Variants in PTPN9 observed in about 807,000 individuals in gnomAD.
PTPN9 encodes tyrosine-protein phosphatase non-receptor type 9.
PTPN9 carries 26 observed loss-of-function variants against 69.8 expected under a neutral mutation model. The observed-to-expected ratio is 0.37, with a 90% CI of 0.27 to 0.52. The LOEUF (loss-of-function observed/expected upper bound fraction) is 0.52, where lower values mean the gene tolerates loss of function less well. PTPN9 is among the 20% of genes least tolerant of loss of function. The pLI, the probability that PTPN9 is intolerant of heterozygous loss-of-function variation, is 0.91. For synonymous variants in PTPN9, 274 were observed against 272.5 expected (o/e 1.01, Z -0.05); for missense variants, 549 against 740.3 (o/e 0.74, Z 3.00).
At chr15:75,500,344 T>TACACACAC (rs35248279) in intron 7 of PTPN9, among the ~76,000 whole-genome samples, 40 of 142,556 alleles carry the variant, frequency 2.8e-4, no homozygotes, top group African/African-American at 9.6e-4. Flanking sequence ...CAAACATACA[T>TACACACAC]ACACACACAC....
At chr15:75,479,164 G>A (rs991832720) in intron 9 of PTPN9, among the ~76,000 whole-genome samples, 5 of 152,094 alleles carry the variant, frequency 3.3e-5, no homozygotes, top group African/African-American at 4.8e-5. Context: ...AAAATTAGCC[G>A]GGCGTGGTGG....
intron 4 of PTPN9, among the ~76,000 whole-genome samples, chr15:75,519,927 G>A (rs772668567): frequency 3.3e-5 from 5 of 151,930 alleles, no homozygotes; most frequent in African/African-American, 9.7e-5. Flanking sequence ...CCAGAAGTTC[G>A]AGACCAGCCT....
At chr15:75,567,104 C>T (rs2075129919) in intron 1 of PTPN9, among the ~76,000 whole-genome samples, 2 of 151,790 alleles carry the variant, frequency 1.3e-5, no homozygotes, top group African/African-American at 4.8e-5. Context: ...CAACCTCCAC[C>T]TCTCATGTTC....
At chr15:75,535,968 T>C (rs1026147489) in intron 1 of PTPN9, among the ~76,000 whole-genome samples, 1 of 152,218 alleles carries the variant, frequency 6.6e-6, no homozygotes, top group African/African-American at 2.4e-5. Flanking sequence ...TCTCAAATAT[T>C]TTCCACTTCT....
At chr15:75,530,181 C>CAG in intron 1 of PTPN9, among the ~76,000 whole-genome samples, 1 of 111,004 alleles carries the variant, frequency 9.0e-6, no homozygotes, top group East Asian at 2.6e-4. Flanking sequence ...GCCTGAGCGA[C>CAG]AGAGAGAGAC....
At chr15:75,483,438 C>T (rs555615644) in intron 8 of PTPN9, among the ~76,000 whole-genome samples, 3 of 152,222 alleles carry the variant, frequency 2.0e-5, no homozygotes, top group African/African-American at 7.2e-5. Context: ...AAACATTATG[C>T]TAAATGATAG....
At chr15:75,540,903 C>G (rs1325321870) in intron 1 of PTPN9, among the ~76,000 whole-genome samples, 1 of 151,434 alleles carries the variant, frequency 6.6e-6, no homozygotes, top group Non-Finnish European at 1.5e-5. Context: ...CACAGGGAAA[C>G]CTCGTCTCTA....
intron 2 of PTPN9, among the ~76,000 whole-genome samples, chr15:75,524,675 G>A (rs2074919507): frequency 6.6e-6 from 1 of 150,888 alleles, no homozygotes; most frequent in African/African-American, 2.4e-5. Context: ...CTACTCAGGA[G>A]GCTGAGGCAG....
chr15:75,560,245 T>C (rs949191049), intron 1 of PTPN9, among the ~76,000 whole-genome samples: 6 of 152,140 alleles, frequency 3.9e-5, no homozygotes, highest in Non-Finnish European at 7.4e-5. Flanking sequence ...AAATGTCTAA[T>C]GGTTTCTCTA....
chr15:75,465,355 C>T lies in PTPN9; in HGVS notation c.*3414G>A, dbSNP rs1221933015. 8.5e-5 allele frequency: 13 copies of T among 152,184 alleles called. No homozygotes were observed. The highest frequency in any genetic ancestry group is 3.3e-4 in the Admixed American group (5 of 15,260). 9.4% of individuals were successfully genotyped at this position (152,184 alleles called of 1,614,324 possible). A position where few individuals can be genotyped will look rare whatever the true frequency, so the allele number is the denominator to read the frequency against. ...CTGACCTCAGGTGATCTGCCCACCT[C>T]GGCCTTCCAAAGTACTGGGATTACA... is the stretch of plus-strand genomic sequence containing the variant. On this transcript the variant is annotated 3_prime_UTR_variant, in exon 13 of 13. Coordinates refer to ENST00000618819, the MANE Select transcript of PTPN9 (RefSeq NM_002833.4).
At position 75,505,896 on chromosome 15, in the gene PTPN9, C is replaced by G; in HGVS notation, c.747G>C (p.Gln249His). Residue 249 changes from glutamine to histidine, a missense_variant, in exon 7 of 13, where the codon CAG (glutamine) becomes CAC (histidine). Around this residue, in one of 3 missense-constraint regions of PTPN9, gnomAD observed 457 missense variants for 661.9 expected, o/e 0.69. Transcript: ENST00000618819. ...VKIDLATWNF[Q>H]FLPQVNGHPD... ...GGTGGCCGTTCACCTGGGGTAGGAA[C>G]TGGAAATTCCAAGTGGCGAGATCAA... 2 of 1,614,054 alleles carry G rather than the reference C, an allele frequency of 1.2e-6. No individual in the cohort carries two copies. The highest frequency in any genetic ancestry group is 1.7e-6 in the Non-Finnish European group (2 of 1,179,990).
chr15:75,527,246 G>A lies in PTPN9; in HGVS notation c.79C>T (p.Leu27Phe). The A allele has an allele frequency of 2.5e-6, 4 of 1,614,056 alleles. No homozygotes were observed. Among genetic ancestry groups the A allele is most frequent in the Non-Finnish European group, 8.5e-7 (1 of 1,179,990 alleles). The change falls in exon 2 of 13, where the codon CTC (leucine) becomes TTC (phenylalanine). Residue 27 changes from leucine to phenylalanine, a missense_variant. By Grantham distance (22) the Leu-to-Phe change is conservative. This residue lies in a region of PTPN9 where 62 missense variants were observed against 53.6 expected (regional missense o/e 1.16). Transcript: ENST00000618819. ...ACTGTCCACTTGTTAATCTCTTCGA[G>A]AAACTGCTTGGTAGCCTGTTTGACA... The part of the protein sequence containing the change: ...PEEEQATKQF[L>F]EEINKWTVQY...
At chr15:75,469,091 C>T in intron 12 of PTPN9, 108 bp from the exon 13 acceptor site, 1 of 1,075,382 alleles carries the variant, frequency 9.3e-7, no homozygotes, top group East Asian at 2.6e-5. Context: ...CAAAGTGCCT[C>T]ATGGCAGAAG....
chr15:75,473,140 G>A (rs1431920886), intron 10 of PTPN9, among the ~76,000 whole-genome samples: 1 of 152,176 alleles, frequency 6.6e-6, no homozygotes, highest in Non-Finnish European at 1.5e-5. Context: ...GGTTGCCAGA[G>A]CCAGGGATTA....
At chr15:75,483,331 T>C (rs937459398) in intron 8 of PTPN9, among the ~76,000 whole-genome samples, 2 of 152,226 alleles carry the variant, frequency 1.3e-5, no homozygotes, top group Non-Finnish European at 2.9e-5. Flanking sequence ...CTTCAACTGA[T>C]AAATGAATAA....
intron 1 of PTPN9, among the ~76,000 whole-genome samples, chr15:75,555,639 G>A (rs1283100177): frequency 6.6e-6 from 1 of 151,854 alleles, no homozygotes; most frequent in Non-Finnish European, 1.5e-5. Context: ...TGAGTAGCTG[G>A]GATTACAGGC....
At chr15:75,486,842 T>C (rs2074680919) in intron 8 of PTPN9, among the ~76,000 whole-genome samples, 1 of 147,822 alleles carries the variant, frequency 6.8e-6, no homozygotes, top group South Asian at 2.2e-4. Flanking sequence ...TGGAGTGCAC[T>C]GGTGCGATCT....
At chr15:75,475,472 G>A (rs970837890) in intron 9 of PTPN9, among the ~76,000 whole-genome samples, 2 of 152,030 alleles carry the variant, frequency 1.3e-5, no homozygotes, top group Admixed American at 6.6e-5. Context: ...CCAGCTACTC[G>A]GGAGCCTGAG....
At chr15:75,480,254 A>G (rs1354975100) in intron 8 of PTPN9, among the ~76,000 whole-genome samples, 2 of 152,180 alleles carry the variant, frequency 1.3e-5, no homozygotes, top group Non-Finnish European at 1.5e-5. Flanking sequence ...GCTTTCACAG[A>G]TATGATACCA....
Sources: gnomAD v4.1 joint callset for allele counts (sites outside exome capture counted in the v4.1 genomes callset) on GRCh38, gnomAD v4.1.1 for gene constraint, gnomAD v4.1.1 regional missense constraint, MANE v1.5 for transcripts, NCBI Gene and HGNC (gene_info 2026-07-23, HGNC 2026-07-21) for gene names.